Variants in ADH4 observed in about 807,000 individuals in gnomAD.
ADH4 encodes the protein all-trans-retinol dehydrogenase [NAD(+)] ADH4.
ADH4 carries 31 observed loss-of-function variants against 35.2 expected under a neutral mutation model. The observed-to-expected ratio is 0.88, with a 90% CI of 0.66 to 1.19. The LOEUF is 1.19. ADH4 is among the 50% of genes most tolerant of loss of function. The probability of loss-of-function intolerance (pLI) is 0.00; values close to 1 mark genes in which losing one functional copy is unlikely to be tolerated. For missense variants in ADH4, 476 were observed against 458.3 expected, an observed-to-expected ratio of 1.04 and a Z score of -0.35; for synonymous variants, 171 against 160.2, an observed-to-expected ratio of 1.07 and a Z score of -0.51.
chr4:99,131,708 AG>A lies in ADH4; in HGVS notation c.638del (p.Ala213ValfsTer2). 1 of 1,614,160 alleles carries A rather than the reference AG, an allele frequency of 6.2e-7. No individual in the cohort carries two copies. ...VFGLGGVGLS[A>X]VMGCKAAGAS... ...CTCCTGCTGCTTTACAACCCATTAC[AG>A]CAGAAAGACCCACACCTCCTAGGCC... is the stretch of plus-strand genomic sequence containing the variant. On this transcript the variant is annotated frameshift_variant, in exon 6 of 9. Coordinates refer to ENST00000265512, the MANE Select transcript of ADH4 (RefSeq NM_000670.5). LOFTEE classifies it high-confidence loss of function.
At chr4:99,141,376 G>C (rs928518474) in intron 3 of ADH4, among the ~76,000 whole-genome samples, 165 bp downstream of exon 3, 4 of 152,114 alleles carry the variant, frequency 2.6e-5, no homozygotes, top group African/African-American at 9.7e-5. Context: ...CAAATATTCT[G>C]TCCTATTGCT....
At chr4:99,133,878 A>G (rs985259643) in intron 5 of ADH4, 3 of 152,208 alleles carry the variant, frequency 2.0e-5, no homozygotes, top group African/African-American at 7.2e-5. Flanking sequence ...TTCCTTATTT[A>G]TCAATAATAT....
At chr4:99,131,411 CTAAGTACCA>C (rs1404340762) in intron 6 of ADH4, 84 bp downstream of exon 6, 1 of 1,387,140 alleles carries the variant, frequency 7.2e-7, no homozygotes, top group African/African-American at 1.5e-5. Context: ...TTTGAAAGTA[CTAAGTACCA>C]TAATAAACAT....
intron 4 of ADH4, among the ~76,000 whole-genome samples, chr4:99,137,642 T>G (rs1198787451): frequency 1.3e-5 from 2 of 152,176 alleles, no homozygotes; most frequent in African/African-American, 4.8e-5. Flanking sequence ...TTAAAACATT[T>G]TTGTTGTGGA....
At chr4:99,131,912 G>T in intron 5 of ADH4, 148 bp from the exon 6 acceptor site, 1 of 793,858 alleles carries the variant, frequency 1.3e-6, no homozygotes, top group Non-Finnish European at 1.9e-6. Flanking sequence ...GAGGAAATCT[G>T]CCAATGCGAA....
rs779732857 is a variant in ADH4, at chr4:99,141,689, G to C, written c.121-7C>G. ...ACAGAGAGGTAGCAATGATCTACAAGGCAATCACAGACTTTAATTGTGTTT... is the reference window on the plus strand; with the variant it reads ...ACAGAGAGGTAGCAATGATCTACAACGCAATCACAGACTTTAATTGTGTTT... On this transcript the variant is annotated splice_region_variant and splice_polypyrimidine_tract_variant and intron_variant, in intron 2 of 8. Transcript: ENST00000265512. The C allele has an allele frequency of 6.2e-6, 10 of 1,612,356 alleles. No individual in the cohort carries two copies. The highest frequency in any genetic ancestry group is 8.5e-6 in the Non-Finnish European group (10 of 1,178,992).
At chr4:99,142,031 G>A (rs758790384) in intron 2 of ADH4, among the ~76,000 whole-genome samples, 16 of 152,114 alleles carry the variant, frequency 1.1e-4, no homozygotes, top group Non-Finnish European at 1.6e-4. Flanking sequence ...ATCAAATCAA[G>A]GATTGTCTGA....
At chr4:99,142,854 G>T in intron 1 of ADH4, 74 bp from the exon 2 acceptor site, 2 of 1,054,298 alleles carry the variant, frequency 1.9e-6, no homozygotes, top group Non-Finnish European at 2.7e-6. Flanking sequence ...GGAGAGAGGA[G>T]ATCATGAGAA....
intron 4 of ADH4, 73 bp from the exon 5 acceptor site, chr4:99,136,770 C>G: frequency 1.1e-6 from 1 of 951,534 alleles, no homozygotes; most frequent in Non-Finnish European, 1.6e-6. Flanking sequence ...CATTTTCCTA[C>G]AAAATATGTT....
At chr4:99,137,458 C>T (rs940073538) in intron 4 of ADH4, among the ~76,000 whole-genome samples, 3 of 151,968 alleles carry the variant, frequency 2.0e-5, no homozygotes, top group African/African-American at 7.2e-5. Flanking sequence ...GACGGGGTTT[C>T]TCCGTGTTGG....
intron 1 of ADH4, among the ~76,000 whole-genome samples, chr4:99,143,858 T>C (rs1729716870): frequency 6.6e-6 from 1 of 152,206 alleles, no homozygotes; most frequent in Non-Finnish European, 1.5e-5. Context: ...TATTTTGTAA[T>C]ATACTTTTTC....
intron 1 of ADH4, 87 bp downstream of exon 1, chr4:99,144,118 T>A: frequency 6.8e-7 from 1 of 1,461,564 alleles, no homozygotes; most frequent in African/African-American, 1.4e-5. Context: ...CACTGCTTCC[T>A]GAGTTCCTGA....
chr4:99,126,758 A>T, intron 7 of ADH4, 26 bp from the exon 8 acceptor site: 4 of 1,570,170 alleles, frequency 2.5e-6, no homozygotes, highest in Non-Finnish European at 3.5e-6. Flanking sequence ...AATGCAAAAT[A>T]AAGACATGGC....
chr4:99,143,001 A>C (rs29001172), intron 1 of ADH4: 3 of 621,310 alleles, frequency 4.8e-6, no homozygotes, highest in Non-Finnish European at 5.5e-6. Context: ...TAGTCATTAC[A>C]TTTTTTATTT....
In ADH4 at chr4:99,131,657, G is replaced by A; in HGVS notation, c.690C>T (p.Ile230=). ...TAGCCTTCACAAACTTCTCACTGTTGATGTCAATACCTATGATTCTGGAAG... is the reference window on the plus strand; with the variant it reads ...TAGCCTTCACAAACTTCTCACTGTTAATGTCAATACCTATGATTCTGGAAG... ...AGASRIIGID[I]NSEKFVKAKA... is the part of the protein sequence containing the mutation. The change falls in exon 6 of 9, where the codon ATC becomes ATT. Residue 230 remains isoleucine (I), a synonymous_variant. Coordinates refer to ENST00000265512, the MANE Select transcript of ADH4 (RefSeq NM_000670.5). 4 of 1,614,112 alleles carry A rather than the reference G, an allele frequency of 2.5e-6. No homozygotes were observed. Among genetic ancestry groups the A allele is most frequent in the Non-Finnish European group, 3.4e-6 (4 of 1,180,010 alleles).
intron 3 of ADH4, among the ~76,000 whole-genome samples, chr4:99,140,369 T>A (rs897692059): frequency 6.6e-5 from 10 of 151,490 alleles, no homozygotes; most frequent in Non-Finnish European, 2.9e-5. Context: ...AGGTTGGGAG[T>A]TCAAGAGCAG....
At chr4:99,135,583 A>G (rs1408418790) in intron 5 of ADH4, among the ~76,000 whole-genome samples, 2 of 152,162 alleles carry the variant, frequency 1.3e-5, no homozygotes, top group Admixed American at 6.5e-5. Context: ...AAGTGTGGAA[A>G]GCCCAGAGAC....
At chr4:99,141,736 G>T in intron 2 of ADH4, 54 bp from the exon 3 acceptor site, 1 of 1,542,772 alleles carries the variant, frequency 6.5e-7, no homozygotes, top group Non-Finnish European at 8.8e-7. Flanking sequence ...TTATTGGGCT[G>T]GATGTTACAT....
At chr4:99,132,518 G>T (rs1540054) in intron 5 of ADH4, among the ~76,000 whole-genome samples, 152,323 of 152,324 alleles carry the variant, frequency 1, 76,161 homozygotes, top group Non-Finnish European at 1. Flanking sequence ...CTTGATTGTG[G>T]GTGTATGGTG....
Sources: allele counts gnomAD v4.1 joint callset (sites outside exome capture counted in the v4.1 genomes callset), GRCh38; gene constraint gnomAD v4.1.1; transcripts MANE v1.5; gene names NCBI Gene and HGNC (gene_info 2026-07-23, HGNC 2026-07-21).